Variants in VAT1L observed in about 807,000 individuals in gnomAD.
The protein encoded by VAT1L is putative NADPH-dependent quinone oxidoreductase VAT1L.
A neutral mutation model predicts 44.1 loss-of-function variants in VAT1L; 34 were observed. The ratio of observed to expected loss-of-function variants is 0.77; its 90% CI spans 0.59 to 1.03. The LOEUF is 1.03. VAT1L is among the 50% of genes least tolerant of loss of function. The pLI is 0.00. For synonymous variants in VAT1L, 253 were observed against 202.2 expected (o/e 1.25, Z -2.13); for missense variants, 615 against 538.8 (o/e 1.14, Z -1.40).
intron 7 of VAT1L, among the ~76,000 whole-genome samples, chr16:77,946,958 C>T (rs1002743783): frequency 6.6e-6 from 1 of 152,212 alleles, no homozygotes; most frequent in African/African-American, 2.4e-5. Flanking sequence ...CCTCCCTCAA[C>T]CCCTTACTTT....
At chr16:77,825,146 C>T in intron 2 of VAT1L, 100 bp from the exon 3 acceptor site, 2 of 1,298,750 alleles carry the variant, frequency 1.5e-6, no homozygotes, top group Non-Finnish European at 2.2e-6. Context: ...GGATTATACG[C>T]ATGAGCCACA....
chr16:77,976,341 T>A lies in VAT1L; in HGVS notation c.1162-1256T>A, dbSNP rs2018339683. On this transcript the variant is annotated intron_variant, in intron 8 of 8. Transcript: ENST00000302536. Reference sequence around the variant, plus strand: ...CCAGTTAGGGAATTCTGCAAAGGCTTCCTTGAGGAAGCAGGATGAGCCCTA... The same window carrying A: ...CCAGTTAGGGAATTCTGCAAAGGCTACCTTGAGGAAGCAGGATGAGCCCTA... 2.0e-5 allele frequency among the ~76,000 whole-genome samples: 3 copies of A among 152,166 alleles called. No individual in the cohort carries two copies. The South Asian group carries it at 6.2e-4, about 32-fold the overall frequency.
intron 1 of VAT1L, among the ~76,000 whole-genome samples, chr16:77,798,152 G>A (rs1203932066): frequency 1.3e-5 from 2 of 152,158 alleles, no homozygotes; most frequent in Non-Finnish European, 2.9e-5. Context: ...AAAGCATTGG[G>A]TCCTCTCACT....
chr16:77,790,595 A>AC (rs1567462012), intron 1 of VAT1L, among the ~76,000 whole-genome samples: 1 of 151,936 alleles, frequency 6.6e-6, no homozygotes, highest in Admixed American at 6.6e-5. Context: ...CCACTTCATC[A>AC]AAAAAAATTA....
At chr16:77,843,490 G>A (rs1470004094) in intron 3 of VAT1L, among the ~76,000 whole-genome samples, 2 of 152,186 alleles carry the variant, frequency 1.3e-5, no homozygotes, top group African/African-American at 4.8e-5. Flanking sequence ...TTCTCCTACA[G>A]AAAGTTCTAA....
At chr16:77,921,884 C>T (rs754549151) in intron 7 of VAT1L, among the ~76,000 whole-genome samples, 4 of 152,112 alleles carry the variant, frequency 2.6e-5, no homozygotes, top group Non-Finnish European at 5.9e-5. Context: ...GCTGGGACTA[C>T]AGGTGCATAC....
intron 1 of VAT1L, among the ~76,000 whole-genome samples, chr16:77,803,288 G>A (rs1221115820): frequency 6.6e-6 from 1 of 152,156 alleles, no homozygotes; most frequent in Non-Finnish European, 1.5e-5. Context: ...ATGTGGCCAA[G>A]TGGCTACCAT....
At chr16:77,841,862 A>G (rs1270192690) in intron 3 of VAT1L, among the ~76,000 whole-genome samples, 1 of 151,924 alleles carries the variant, frequency 6.6e-6, no homozygotes, top group South Asian at 2.1e-4. Flanking sequence ...ATCCATCAGG[A>G]GAAGCTACCA....
chr16:77,865,388 T>C (rs951191134), intron 4 of VAT1L, among the ~76,000 whole-genome samples: 2 of 152,240 alleles, frequency 1.3e-5, no homozygotes, highest in African/African-American at 2.4e-5. Flanking sequence ...CATTCTTTCA[T>C]GTACGCATGA....
intron 3 of VAT1L, among the ~76,000 whole-genome samples, chr16:77,843,465 C>T (rs2016727475): frequency 6.6e-6 from 1 of 152,232 alleles, no homozygotes; most frequent in South Asian, 2.1e-4. Context: ...ACCTTACTTC[C>T]CAGGAACCCC....
intron 1 of VAT1L, among the ~76,000 whole-genome samples, chr16:77,816,140 A>T (rs2016350761): frequency 6.6e-6 from 1 of 152,044 alleles, no homozygotes; most frequent in Non-Finnish European, 1.5e-5. Context: ...GCGTCATTGG[A>T]ATCAAGTGTA....
intron 7 of VAT1L, among the ~76,000 whole-genome samples, chr16:77,934,622 T>A (rs2017770799): frequency 6.6e-6 from 1 of 152,184 alleles, no homozygotes; most frequent in South Asian, 2.1e-4. Flanking sequence ...TAGTAATTTG[T>A]TATAGGAACC....
At chr16:77,976,499 G>A (rs574909369) in intron 8 of VAT1L, among the ~76,000 whole-genome samples, 21 of 152,246 alleles carry the variant, frequency 1.4e-4, no homozygotes, top group African/African-American at 4.8e-4. Flanking sequence ...GGGGAGAGCT[G>A]AGATTCAGGG....
intron 3 of VAT1L, among the ~76,000 whole-genome samples, chr16:77,833,701 G>A (rs1337445581): frequency 6.6e-6 from 1 of 151,990 alleles, no homozygotes; most frequent in Non-Finnish European, 1.5e-5. Flanking sequence ...CAGTGAGCCG[G>A]GATCACACCA....
chr16:77,957,186 G>T (rs1195421099), intron 7 of VAT1L, among the ~76,000 whole-genome samples: 1 of 152,142 alleles, frequency 6.6e-6, no homozygotes, highest in African/African-American at 2.4e-5. Context: ...GTTTTGAAGG[G>T]TCTTTGGAAT....
chr16:77,960,735 C>T lies in VAT1L; in HGVS notation c.1078-11115C>T, dbSNP rs550256257. 4.6e-5 allele frequency among the ~76,000 whole-genome samples: 7 copies of T among 152,162 alleles called. No individual in the cohort carries two copies. In the South Asian group the frequency reaches 1.5e-3, roughly 32 times the overall value. On this transcript the variant is annotated intron_variant, in intron 7 of 8. Transcript: ENST00000302536. ...GAGTGGAGGAACCCCCTATTGATAACCAAGACCCCAAGGTTGCAGCCCAGG... is the reference window on the plus strand; with the variant it reads ...GAGTGGAGGAACCCCCTATTGATAATCAAGACCCCAAGGTTGCAGCCCAGG...
At chr16:77,946,483 C>T (rs894016604) in intron 7 of VAT1L, among the ~76,000 whole-genome samples, 6 of 151,586 alleles carry the variant, frequency 4.0e-5, no homozygotes, top group South Asian at 4.2e-4. Flanking sequence ...AAGGTTTCAC[C>T]GTGTTAGCCA....
At chr16:77,872,347 A>C (rs2017041579) in intron 4 of VAT1L, among the ~76,000 whole-genome samples, 1 of 152,132 alleles carries the variant, frequency 6.6e-6, no homozygotes, top group African/African-American at 2.4e-5. Context: ...GGTGTCCCAA[A>C]GCCTTCTCAC....
rs1223152362 is a variant in VAT1L, at chr16:77,946,279, C to CGTTTTTT, written c.1078-25571_1078-25570insGTTTTTT. On this transcript the variant is annotated intron_variant, in intron 7 of 8. Coordinates refer to ENST00000302536, the MANE Select transcript of VAT1L (RefSeq NM_020927.3). ...GTTCTGGACATCTAGGTTACTTGTT[C>CGTTTTTT]TTTTTTTTTTTTTTTTTTTTTTGAG... Among the ~76,000 whole-genome samples, 141 of 70,406 alleles carry CGTTTTTT rather than the reference C, an allele frequency of 2.0e-3. 5 individuals are homozygous for CGTTTTTT. The highest frequency in any genetic ancestry group is 7.3e-3 in the African/African-American group (137 of 18,892). 46.2% of individuals were successfully genotyped at this position (70,406 alleles called of 152,430 possible). A position where few individuals can be genotyped will look rare whatever the true frequency, so the allele number is the denominator to read the frequency against.
Sources: allele counts gnomAD v4.1 joint callset (sites outside exome capture counted in the v4.1 genomes callset), GRCh38; gene constraint gnomAD v4.1.1; transcripts MANE v1.5; gene names NCBI Gene and HGNC (gene_info 2026-07-23, HGNC 2026-07-21).